The following MPRIP variants were observed in gnomAD, a reference collection of about 807,000 sequenced individuals.
The protein encoded by MPRIP is myosin phosphatase Rho interacting protein.
Under a neutral mutation model 234.9 loss-of-function variants are expected in MPRIP, and 59 were observed. The observed-to-expected ratio is 0.25, with a 90% CI of 0.20 to 0.31. The LOEUF (loss-of-function observed/expected upper bound fraction) is 0.31, where lower values mean the gene tolerates loss of function less well. Ranked by LOEUF, MPRIP falls within the 10% of genes least tolerant of loss-of-function variation. The probability of loss-of-function intolerance (pLI) is 1.00; values close to 1 mark genes in which losing one functional copy is unlikely to be tolerated. For missense variants in MPRIP, 2,436 were observed against 3,071.0 expected, an observed-to-expected ratio of 0.79 and a Z score of 4.89; for synonymous variants, 1,144 against 1,263.9, an observed-to-expected ratio of 0.91 and a Z score of 2.01.
chr17:17,152,088 A>G (rs1567753747), intron 12 of MPRIP, among the ~76,000 whole-genome samples: 1 of 152,270 alleles, frequency 6.6e-6, no homozygotes, highest in Non-Finnish European at 1.5e-5. Context: ...CCTGGCCGCC[A>G]GCCCACTGGG....
chr17:17,177,119 A>G, intron 21 of MPRIP, 131 bp from the exon 22 acceptor site: 1 of 885,242 alleles, frequency 1.1e-6, no homozygotes, highest in South Asian at 1.6e-5. Flanking sequence ...TAGAAGACAG[A>G]GGTGAACAAG....
At chr17:17,047,841 T>C (rs1339182595) in intron 1 of MPRIP, among the ~76,000 whole-genome samples, 2 of 152,106 alleles carry the variant, frequency 1.3e-5, no homozygotes, top group African/African-American at 4.8e-5. Context: ...TGGAGGTGGT[T>C]GCTGAAATCA....
chr17:17,077,983 T>G (rs2089374076), intron 2 of MPRIP, 28 bp from the exon 3 acceptor site: 1 of 1,613,612 alleles, frequency 6.2e-7, no homozygotes, highest in African/African-American at 1.3e-5. Flanking sequence ...CAGATCCTCC[T>G]AACCACCCAC....
chr17:17,144,850 G>A (rs1264118818), intron 9 of MPRIP, among the ~76,000 whole-genome samples: 1 of 152,164 alleles, frequency 6.6e-6, no homozygotes, highest in Non-Finnish European at 1.5e-5. Flanking sequence ...GCGAGACTCC[G>A]TCTCAAAAAA....
At chr17:17,115,447 A>C (rs2144317624) in intron 3 of MPRIP, among the ~76,000 whole-genome samples, 1 of 152,130 alleles carries the variant, frequency 6.6e-6, no homozygotes, top group South Asian at 2.1e-4. Flanking sequence ...CAGGGAGGCG[A>C]GCTCTTTCTC....
intron 4 of MPRIP, 142 bp from the exon 5 acceptor site, chr17:17,131,475 G>A: frequency 1.5e-6 from 1 of 666,580 alleles, no homozygotes; most frequent in Non-Finnish European, 2.6e-6. Flanking sequence ...GGCTTGCTCT[G>A]TGGCACTTCT....
chr17:17,185,321 T>C lies in MPRIP; in HGVS notation c.*427T>C. ...AATCCCCACTGGTCAGAGAAAAAGC[T>C]ATGCGGACACTCCAGCTTGGCCTGG... On this transcript the variant is annotated 3_prime_UTR_variant, in exon 24 of 24. Coordinates refer to ENST00000651222, the MANE Select transcript of MPRIP (RefSeq NM_001364716.4). 1 of 358,358 alleles carries C rather than the reference T, an allele frequency of 2.8e-6. No homozygotes were observed. The highest frequency in any genetic ancestry group is 2.1e-5 in the South Asian group (1 of 47,630). The allele number at this position is 358,358 out of a possible 1,614,324, so 22.2% of individuals were successfully genotyped here.
At chr17:17,127,143 C>T (rs965976609) in intron 4 of MPRIP, among the ~76,000 whole-genome samples, 2 of 152,242 alleles carry the variant, frequency 1.3e-5, no homozygotes, top group African/African-American at 4.8e-5. Flanking sequence ...GCCCCTCCAC[C>T]TGGAAGGGGA....
chr17:17,057,937 T>C, intron 1 of MPRIP: 1 of 482,510 alleles, frequency 2.1e-6, no homozygotes, highest in Non-Finnish European at 3.7e-6. Flanking sequence ...ATAATAAAAA[T>C]GAATGCTCGT....
At chr17:17,114,911 G>A (rs1366113324) in intron 3 of MPRIP, among the ~76,000 whole-genome samples, 1 of 152,196 alleles carries the variant, frequency 6.6e-6, no homozygotes. Context: ...AAGTGAAAAA[G>A]GTCCTTGTTT....
At position 17,154,410 on chromosome 17, in the gene MPRIP, G is replaced by C. The variant is rs144067241; in HGVS notation, c.1824G>C (p.Val608=). 6.2e-6 allele frequency: 10 copies of C among 1,613,878 alleles called. No homozygotes were observed. The African/African-American group carries it at 1.1e-4, about 17-fold the overall frequency. The part of the protein sequence containing the change: ...KHVHPTTAPD[V]TSSLPEEKNK... ...TGCACCCGACCACTGCCCCGGATGT[G>C]ACCAGGTAGGATGGTGAAGACACCA... The change falls in exon 13 of 24, where the codon GTG becomes GTC. Residue 608 remains valine (V), a synonymous_variant. Transcript: ENST00000651222.
chr17:17,079,003 G>A (rs1597766065), intron 3 of MPRIP, among the ~76,000 whole-genome samples: 1 of 152,136 alleles, frequency 6.6e-6, no homozygotes, highest in South Asian at 2.1e-4. Context: ...CTGCAGGGGC[G>A]AGACAGACTC....
chr17:17,160,536 G>A (rs2045840254), intron 14 of MPRIP, among the ~76,000 whole-genome samples: 1 of 152,240 alleles, frequency 6.6e-6, no homozygotes, highest in African/African-American at 2.4e-5. Flanking sequence ...GCACCTGGGA[G>A]GTGTGTAGGG....
chr17:17,143,411 A>G, intron 8 of MPRIP, 145 bp from the exon 9 acceptor site: 2 of 499,690 alleles, frequency 4.0e-6, no homozygotes, highest in Non-Finnish European at 6.9e-6. Flanking sequence ...CCTGCTGCAG[A>G]CTTGCTATGG....
chr17:17,053,443 A>G (rs2088602191), intron 1 of MPRIP, among the ~76,000 whole-genome samples: 1 of 152,164 alleles, frequency 6.6e-6, no homozygotes, highest in Non-Finnish European at 1.5e-5. Flanking sequence ...ATACTGGGTT[A>G]TATGGTGGGT....
intron 1 of MPRIP, among the ~76,000 whole-genome samples, chr17:17,074,762 T>C (rs561342184): frequency 6.6e-6 from 1 of 152,356 alleles, no homozygotes; most frequent in South Asian, 2.1e-4. Context: ...CTGGCTTCTT[T>C]GACTTAGCAT....
At chr17:17,117,362 C>T (rs1288465016) in intron 3 of MPRIP, among the ~76,000 whole-genome samples, 1 of 152,224 alleles carries the variant, frequency 6.6e-6, no homozygotes, top group Non-Finnish European at 1.5e-5. Context: ...CATTAGGCCA[C>T]TTCTCATTCC....
intron 11 of MPRIP, among the ~76,000 whole-genome samples, chr17:17,148,680 T>A (rs2045531586): frequency 1.3e-5 from 2 of 152,214 alleles, no homozygotes; most frequent in Non-Finnish European, 2.9e-5. Context: ...AAAGGACTTG[T>A]GTGATTGAGT....
At chr17:17,180,228 C>G (rs2046344708) in intron 23 of MPRIP, 140 bp downstream of exon 23, 1 of 719,140 alleles carries the variant, frequency 1.4e-6, no homozygotes, top group South Asian at 1.9e-5. Context: ...CGAGCTCACC[C>G]TGCTGGGCTG....
Sources: allele counts gnomAD v4.1 joint callset (sites outside exome capture counted in the v4.1 genomes callset), GRCh38; gene constraint gnomAD v4.1.1; transcripts MANE v1.5; gene names NCBI Gene and HGNC (gene_info 2026-07-23, HGNC 2026-07-21).